CTNNA3: variants seen among roughly 807,000 people sequenced by gnomAD.
CTNNA3 encodes catenin alpha 3, also known as catenin alpha-3.
Under a neutral mutation model 95.7 loss-of-function variants are expected in CTNNA3, and 76 were observed. The observed-to-expected ratio is 0.79, with a 90% CI of 0.66 to 0.96. The LOEUF is 0.96. CTNNA3 is among the 40% of genes least tolerant of loss of function. The probability of loss-of-function intolerance (pLI) is 0.00; values close to 1 mark genes in which losing one functional copy is unlikely to be tolerated. For synonymous variants in CTNNA3, 431 were observed against 374.4 expected (o/e 1.15, Z -1.74); for missense variants, 1,191 against 1,089.8 (o/e 1.09, Z -1.31).
intron 13 of CTNNA3, among the ~76,000 whole-genome samples, chr10:66,104,754 A>G (rs191215569): frequency 6.6e-6 from 1 of 152,330 alleles, no homozygotes; most frequent in Admixed American, 6.5e-5. Context: ...TGCATCTTTC[A>G]TGCACATATG....
chr10:67,204,648 G>A (rs1863810881), intron 6 of CTNNA3, among the ~76,000 whole-genome samples: 1 of 152,180 alleles, frequency 6.6e-6, no homozygotes, highest in South Asian at 2.1e-4. Context: ...TAATCAAACT[G>A]ACATGACAGT....
intron 7 of CTNNA3, among the ~76,000 whole-genome samples, chr10:66,989,604 G>GTA (rs1365234308): frequency 5.3e-5 from 8 of 152,186 alleles, no homozygotes; most frequent in Admixed American, 2.0e-4. Flanking sequence ...AAAGAGATGT[G>GTA]TATATATATA....
intron 12 of CTNNA3, among the ~76,000 whole-genome samples, chr10:66,298,026 T>A (rs1002976981): frequency 6.6e-6 from 1 of 152,206 alleles, no homozygotes; most frequent in Non-Finnish European, 1.5e-5. Context: ...TGTAATAAAC[T>A]GCATATTTAA....
intron 5 of CTNNA3, among the ~76,000 whole-genome samples, chr10:67,384,345 T>C (rs1379344820): frequency 8.5e-5 from 13 of 152,198 alleles, no homozygotes; most frequent in Admixed American, 8.5e-4. Context: ...GAATATATGA[T>C]ATCCTTGGAA....
At chr10:66,114,598 C>T (rs10822721) in intron 13 of CTNNA3, among the ~76,000 whole-genome samples, 60,188 of 151,128 alleles carry the variant, frequency 0.4, 12,327 homozygotes, top group African/African-American at 0.48. Context: ...ATATATATAT[C>T]GGTTGGGTAC....
chr10:66,554,539 A>G (rs181899412), intron 10 of CTNNA3, among the ~76,000 whole-genome samples: 57 of 152,228 alleles, frequency 3.7e-4, no homozygotes, highest in African/African-American at 1.3e-3. Flanking sequence ...TTTGCATTCC[A>G]GTCCTTTGTA....
intron 5 of CTNNA3, among the ~76,000 whole-genome samples, chr10:67,396,024 T>C (rs1034335507): frequency 2.6e-5 from 4 of 152,196 alleles, no homozygotes; most frequent in Admixed American, 1.3e-4. Context: ...TAAATGTATG[T>C]TTGTAAAATA....
intron 12 of CTNNA3, among the ~76,000 whole-genome samples, chr10:66,341,130 A>G (rs1262526578): frequency 6.6e-6 from 1 of 151,884 alleles, no homozygotes; most frequent in African/African-American, 2.4e-5. Flanking sequence ...TCTGAGATTC[A>G]AATATTCTCA....
intron 12 of CTNNA3, among the ~76,000 whole-genome samples, chr10:66,329,642 A>T (rs2092300945): frequency 6.6e-6 from 1 of 152,038 alleles, no homozygotes; most frequent in Non-Finnish European, 1.5e-5. Flanking sequence ...AGAATGAACG[A>T]ACAGTTGAAC....
intron 7 of CTNNA3, among the ~76,000 whole-genome samples, chr10:66,965,607 A>G (rs1332786138): frequency 6.7e-6 from 1 of 150,240 alleles, no homozygotes; most frequent in East Asian, 2.0e-4. Context: ...AATATTTCCC[A>G]GGAGGGCAAG....
chr10:67,073,998 G>A (rs979492345), intron 7 of CTNNA3, among the ~76,000 whole-genome samples: 1 of 148,286 alleles, frequency 6.7e-6, no homozygotes, highest in Non-Finnish European at 1.5e-5. Flanking sequence ...CAGATCTACT[G>A]AATTATCAAA....
chr10:66,945,282 C>T (rs1209743038), intron 7 of CTNNA3, among the ~76,000 whole-genome samples: 2 of 152,316 alleles, frequency 1.3e-5, no homozygotes, highest in East Asian at 3.9e-4. Context: ...CTTGTTGCAG[C>T]TTTTACATCA....
At chr10:67,015,903 T>C (rs777432511) in intron 7 of CTNNA3, among the ~76,000 whole-genome samples, 4 of 152,100 alleles carry the variant, frequency 2.6e-5, no homozygotes, top group Non-Finnish European at 4.4e-5. Context: ...GTGACTTTGT[T>C]TTCAATCAAG....
chr10:66,487,887 G>A (rs1016199531), intron 11 of CTNNA3, among the ~76,000 whole-genome samples: 1 of 152,110 alleles, frequency 6.6e-6, no homozygotes. Flanking sequence ...CTTGGTGGCT[G>A]TCTCAAAATC....
At chr10:66,127,087 C>T (rs1047800966) in intron 13 of CTNNA3, among the ~76,000 whole-genome samples, 13 of 151,676 alleles carry the variant, frequency 8.6e-5, no homozygotes, top group Non-Finnish European at 1.5e-5. Context: ...CTGGCTAACA[C>T]GGTGAAACCC....
intron 9 of CTNNA3, among the ~76,000 whole-genome samples, chr10:66,680,024 T>C (rs1847009144): frequency 6.6e-6 from 1 of 152,062 alleles, no homozygotes; most frequent in South Asian, 2.1e-4. Context: ...TTGACACGGA[T>C]TCTCTGTCAC....
At chr10:67,473,529 G>A (rs1467722914) in intron 5 of CTNNA3, among the ~76,000 whole-genome samples, 2 of 152,124 alleles carry the variant, frequency 1.3e-5, no homozygotes, top group Admixed American at 1.3e-4. Context: ...ATTATGCAGA[G>A]CAATTAGCTA....
At chr10:65,994,962 G>A (rs917621530) in intron 15 of CTNNA3, among the ~76,000 whole-genome samples, 1 of 151,846 alleles carries the variant, frequency 6.6e-6, no homozygotes. Context: ...CATGAATTTT[G>A]TATTTCATTC....
intron 7 of CTNNA3, among the ~76,000 whole-genome samples, chr10:66,984,991 T>G (rs1472608373): frequency 6.6e-6 from 1 of 152,154 alleles, no homozygotes; most frequent in Non-Finnish European, 1.5e-5. Context: ...TCTTCTTCAC[T>G]ACTGTTGAGC....
Sources: gnomAD v4.1 joint callset for allele counts (sites outside exome capture counted in the v4.1 genomes callset) on GRCh38, gnomAD v4.1.1 for gene constraint, MANE v1.5 for transcripts, NCBI Gene and HGNC (gene_info 2026-07-23, HGNC 2026-07-21) for gene names.